The following ABCC12 variants were observed in gnomAD, a reference collection of about 807,000 sequenced individuals.
The protein encoded by ABCC12 is ATP binding cassette subfamily C member 12.
ABCC12 carries 142 observed loss-of-function variants against 151.1 expected under a neutral mutation model. The observed-to-expected ratio is 0.94, with a 90% CI of 0.82 to 1.08. The LOEUF is 1.08. Ranked by LOEUF, ABCC12 falls within the 50% of genes least tolerant of loss-of-function variation. ABCC12 has a pLI of 0.00. For missense variants in ABCC12, 1,638 were observed against 1,691.1 expected (o/e 0.97, Z 0.55); for synonymous variants, 645 against 646.4 (o/e 1.00, Z 0.03).
intron 1 of ABCC12, among the ~76,000 whole-genome samples, chr16:48,155,168 G>A (rs1286274491): frequency 2.6e-5 from 4 of 152,166 alleles, no homozygotes; most frequent in Non-Finnish European, 4.4e-5. Flanking sequence ...ACAGCACCAA[G>A]CTGGGGGTGT....
intron 24 of ABCC12, among the ~76,000 whole-genome samples, chr16:48,095,836 A>G (rs1347167472): frequency 1.3e-5 from 2 of 152,258 alleles, no homozygotes; most frequent in African/African-American, 4.8e-5. Context: ...ACATGAATAA[A>G]GACCCACATT....
At position 48,126,611 on chromosome 16, in the gene ABCC12, C is replaced by T. The variant is rs117289870; in HGVS notation, c.1515+1848G>A. Among the ~76,000 whole-genome samples the T allele has an allele frequency of 3.6e-3, 554 of 152,246 alleles. 19 individuals are homozygous for T. In the East Asian group the frequency reaches 0.078, roughly 21 times the overall value. ...AGCATTTTTATGTGGTATCTGAGTT[C>T]CCCCACCACCTTGTGAAATGGGTAC... On this transcript the variant is annotated intron_variant, in intron 11 of 30. Transcript: ENST00000311303.
intron 22 of ABCC12, among the ~76,000 whole-genome samples, chr16:48,103,707 A>G (rs1317655243): frequency 2.0e-5 from 3 of 152,212 alleles, no homozygotes; most frequent in African/African-American, 7.2e-5. Flanking sequence ...GGCTGGAATC[A>G]TGGCTGTCCT....
intron 10 of ABCC12, among the ~76,000 whole-genome samples, chr16:48,130,567 C>T (rs1964387705): frequency 6.6e-6 from 1 of 152,214 alleles, no homozygotes; most frequent in Non-Finnish European, 1.5e-5. Flanking sequence ...TCTTCATGTA[C>T]AGAGATTATC....
In ABCC12 at chr16:48,146,409, G is replaced by A. The variant is rs773716563; in HGVS notation, c.16C>T (p.Pro6Ser). The stretch of plus-strand genomic sequence containing the variant: ...TGGTCCAGATCTGAGATAAGGTAGG[G>A]TCCTTCACCCACCATCCTGATGGCA... MVGEG[P>S]YLISDLDQRG... Residue 6 changes from proline (P) to serine (S), a missense_variant, in exon 3 of 31, where the codon CCC becomes TCC. Physicochemically the swap from Pro to Ser is moderately conservative, Grantham distance 74 (BLOSUM62 -1). Transcript: ENST00000311303. The A allele has an allele frequency of 3.1e-6, 5 of 1,614,016 alleles. No individual in the cohort carries two copies. In the South Asian group the frequency reaches 5.5e-5, roughly 18 times the overall value.
chr16:48,103,826 C>T (rs557674239), intron 22 of ABCC12, among the ~76,000 whole-genome samples: 3 of 152,262 alleles, frequency 2.0e-5, no homozygotes, highest in African/African-American at 4.8e-5. Flanking sequence ...GTTAGGGTGG[C>T]GGTTATTTCT....
intron 19 of ABCC12, among the ~76,000 whole-genome samples, 170 bp from the exon 20 acceptor site, chr16:48,107,595 T>C (rs1311944642): frequency 6.6e-6 from 1 of 152,232 alleles, no homozygotes; most frequent in African/African-American, 2.4e-5. Context: ...GTTGGGACCC[T>C]GAACTGTGGG....
At chr16:48,139,449 C>CCCTCAGCCTTCCTTG in intron 6 of ABCC12, 113 bp from the exon 7 acceptor site, 1 of 1,209,174 alleles carries the variant, frequency 8.3e-7, no homozygotes, top group Non-Finnish European at 1.1e-6. Context: ...AAAAACTTCT[C>CCCTCAGCCTTCCTTG]TAAAGCAGGA....
intron 8 of ABCC12, among the ~76,000 whole-genome samples, chr16:48,137,021 A>G (rs74018255): frequency 0.095 from 14,502 of 152,240 alleles, 2,319 homozygotes; most frequent in African/African-American, 0.33. Flanking sequence ...CTATTTTCCA[A>G]CAGGGGAGGA....
intron 8 of ABCC12, among the ~76,000 whole-genome samples, chr16:48,137,559 G>A (rs1359045200): frequency 1.3e-5 from 2 of 152,106 alleles, no homozygotes; most frequent in Non-Finnish European, 2.9e-5. Flanking sequence ...CCACTCCCTA[G>A]AGGGCAGATA....
At chr16:48,104,055 C>CAGCA (rs560009854) in intron 22 of ABCC12, 87 bp downstream of exon 22, 182 of 1,370,012 alleles carry the variant, frequency 1.3e-4, no homozygotes, top group East Asian at 1.2e-3. Context: ...TCAGTAAAGA[C>CAGCA]AGCAAGCACT....
rs550427699 is a variant in ABCC12 at position 48,082,363 on chromosome 16, G to A, written c.*1352C>T. On this transcript the variant is annotated 3_prime_UTR_variant, in exon 31 of 31. Transcript: ENST00000311303. ...GCCGGAGGAGGGCTGGAGAATAATC[G>A]GTTGGAGGTTAACCTCACATGCCCA... Among the ~76,000 whole-genome samples the A allele has an allele frequency of 5.9e-5, 9 of 152,300 alleles. No individual in the cohort carries two copies. The East Asian group carries it at 9.6e-4, about 16-fold the overall frequency.
At chr16:48,089,274 G>A (rs1364263693) in intron 25 of ABCC12, among the ~76,000 whole-genome samples, 1 of 152,208 alleles carries the variant, frequency 6.6e-6, no homozygotes, top group Non-Finnish European at 1.5e-5. Flanking sequence ...CTGGGAAAAT[G>A]TCAGAAGTGT....
rs548982496 is a variant in ABCC12 at position 48,110,465 on chromosome 16, T to C, written c.2281+971A>G. Among the ~76,000 whole-genome samples the C allele has an allele frequency of 5.3e-5, 8 of 152,336 alleles. No individual in the cohort carries two copies. In the East Asian group the frequency reaches 1.4e-3, roughly 26 times the overall value. On this transcript the variant is annotated intron_variant, in intron 18 of 30. Transcript: ENST00000311303. ...GGAAAGCCACCTTGCTGTGTATACT[T>C]TGAGGACTATTGACCTCAGTCCTCT...
chr16:48,098,135 ACAC>A (rs1181090189), intron 23 of ABCC12, among the ~76,000 whole-genome samples: 1 of 146,898 alleles, frequency 6.8e-6, no homozygotes. Flanking sequence ...ACACACACAC[ACAC>A]AGCATAGCCT....
chr16:48,133,768 C>T lies in ABCC12; in HGVS notation c.1047G>A (p.Leu349=). ...TGGCTATGGTGGACACGATGGGGGC[C>T]AGGGCAGAGTTTCCACTTTGGACAA... is the stretch of plus-strand genomic sequence containing the variant. ...AGFVQSGNSA[L]APIVSTIAIV... Residue 349 remains leucine, a synonymous_variant, in exon 9 of 31, where the codon CTG becomes CTA. Coordinates refer to ENST00000311303, the MANE Select transcript of ABCC12 (RefSeq NM_001393797.1). 1 of 1,614,098 alleles carries T rather than the reference C, an allele frequency of 6.2e-7. No homozygotes were observed. The highest frequency in any genetic ancestry group is 8.5e-7 in the Non-Finnish European group (1 of 1,180,030).
chr16:48,100,496 A>G (rs145591891), intron 23 of ABCC12, among the ~76,000 whole-genome samples: 2 of 152,230 alleles, frequency 1.3e-5, no homozygotes, highest in Non-Finnish European at 2.9e-5. Flanking sequence ...CATGAATAGA[A>G]AAAAAGAACA....
rs766821450 is a variant in ABCC12 at position 48,091,195 on chromosome 16, G to C, written c.3210C>G (p.Leu1070=). The C allele has an allele frequency of 6.2e-7, 1 of 1,614,058 alleles. No individual in the cohort carries two copies. Among genetic ancestry groups the C allele is most frequent in the South Asian group, 1.1e-5 (1 of 91,076 alleles). ...LSYIIQLSGL[L]QVCVRTGTET... The stretch of plus-strand genomic sequence containing the variant: ...CTGTTCCCGTTCGCACACACACTTG[G>C]AGCAGTCCGCTCAGCTGTTGAAAAG... The change falls in exon 25 of 31, where the codon CTC becomes CTG. Residue 1070 remains leucine (L), a synonymous_variant. Coordinates refer to ENST00000311303, the MANE Select transcript of ABCC12 (RefSeq NM_001393797.1).
At chr16:48,133,909 C>T in intron 8 of ABCC12, 74 bp from the exon 9 acceptor site, 3 of 1,556,094 alleles carry the variant, frequency 1.9e-6, no homozygotes, top group Non-Finnish European at 2.6e-6. Flanking sequence ...TGTATTAGCC[C>T]TACTTGGTCC....
Sources: gnomAD v4.1 joint callset for allele counts (sites outside exome capture counted in the v4.1 genomes callset) on GRCh38, gnomAD v4.1.1 for gene constraint, MANE v1.5 for transcripts, NCBI Gene and HGNC (gene_info 2026-07-23, HGNC 2026-07-21) for gene names.